The following LDB2 variants were observed in gnomAD, a reference collection of about 807,000 sequenced individuals.
The protein encoded by LDB2 is LIM domain binding 2.
LDB2 carries 12 observed loss-of-function variants against 44.3 expected under a neutral mutation model. That is an observed-to-expected ratio of 0.27 (90% confidence interval 0.17 to 0.44). The LOEUF (loss-of-function observed/expected upper bound fraction) is 0.44, where lower values mean the gene tolerates loss of function less well. Among genes scored for constraint, LDB2 ranks in the 20% least tolerant of loss-of-function variants. LDB2 has a pLI of 1.00. For synonymous variants in LDB2, 164 were observed against 174.8 expected (o/e 0.94, Z 0.49); for missense variants, 344 against 473.5 (o/e 0.73, Z 2.54).
intron 1 of LDB2, among the ~76,000 whole-genome samples, chr4:16,896,951 T>C (rs1377242711): frequency 2.0e-5 from 3 of 152,244 alleles, no homozygotes; most frequent in Non-Finnish European, 4.4e-5. Context: ...CTATAGAAGC[T>C]ACTGGCTTCT....
chr4:16,705,126 C>T (rs1431881972), intron 2 of LDB2, among the ~76,000 whole-genome samples: 1 of 149,808 alleles, frequency 6.7e-6, no homozygotes, highest in Non-Finnish European at 1.5e-5. Flanking sequence ...TCATAGTTTA[C>T]ATAAATATGT....
chr4:16,540,152 A>T (rs2152322294), intron 5 of LDB2, among the ~76,000 whole-genome samples: 1 of 152,214 alleles, frequency 6.6e-6, no homozygotes, highest in East Asian at 1.9e-4. Flanking sequence ...GCAAGGGGGA[A>T]ATATGCCTCC....
intron 2 of LDB2, among the ~76,000 whole-genome samples, chr4:16,690,526 GAGGGAGGGAGGGAGGT>G (rs1750478360): frequency 5.0e-5 from 2 of 39,828 alleles, no homozygotes; most frequent in African/African-American, 1.9e-4. Context: ...AGGGGGGAGG[GAGGGAGGGAGGGAGGT>G]TGGGGAAAGG....
At chr4:16,644,553 G>C (rs576244899) in intron 2 of LDB2, among the ~76,000 whole-genome samples, 1 of 151,364 alleles carries the variant, frequency 6.6e-6, no homozygotes, top group Non-Finnish European at 1.5e-5. Flanking sequence ...TCAGCCTCCC[G>C]AGTAGCTGGC....
intron 2 of LDB2, among the ~76,000 whole-genome samples, chr4:16,628,625 C>T (rs546504186): frequency 2.6e-5 from 4 of 151,832 alleles, no homozygotes; most frequent in South Asian, 2.1e-4. Flanking sequence ...TTGAGTCACC[C>T]GGGGTCACTT....
intron 2 of LDB2, among the ~76,000 whole-genome samples, chr4:16,693,190 C>T (rs1350650992): frequency 6.6e-6 from 1 of 151,920 alleles, no homozygotes; most frequent in African/African-American, 2.4e-5. Flanking sequence ...AATCAAAGGC[C>T]TTTATATTTA....
chr4:16,573,041 C>A (rs892528672), intron 5 of LDB2, among the ~76,000 whole-genome samples: 1 of 152,218 alleles, frequency 6.6e-6, no homozygotes, highest in African/African-American at 2.4e-5. Context: ...TTCCAGTTCT[C>A]AACCCCACGG....
intron 5 of LDB2, among the ~76,000 whole-genome samples, chr4:16,541,293 A>G (rs150700545): frequency 6.7e-6 from 1 of 148,804 alleles, no homozygotes; most frequent in Non-Finnish European, 1.5e-5. Flanking sequence ...TGGTTGTTGT[A>G]AAGTGTAAAG....
intron 5 of LDB2, among the ~76,000 whole-genome samples, chr4:16,532,512 A>C (rs1282848001): frequency 6.6e-6 from 1 of 152,216 alleles, no homozygotes; most frequent in Non-Finnish European, 1.5e-5. Context: ...AACTTCAGGC[A>C]TTTATTTCCT....
At chr4:16,642,157 TC>T (rs1735366441) in intron 2 of LDB2, among the ~76,000 whole-genome samples, 1 of 152,034 alleles carries the variant, frequency 6.6e-6, no homozygotes, top group Non-Finnish European at 1.5e-5. Flanking sequence ...CCAAATTGCC[TC>T]AGAAAGCCAA....
At chr4:16,729,558 GC>G (rs1382097841) in intron 2 of LDB2, among the ~76,000 whole-genome samples, 1 of 152,116 alleles carries the variant, frequency 6.6e-6, no homozygotes, top group Non-Finnish European at 1.5e-5. Context: ...TATATTTCAG[GC>G]CGCTTTTATC....
chr4:16,664,551 C>A (rs571841003), intron 2 of LDB2, among the ~76,000 whole-genome samples: 1 of 152,042 alleles, frequency 6.6e-6, no homozygotes, highest in African/African-American at 2.4e-5. Context: ...TGAAAGGGTT[C>A]TTGATTCTCC....
chr4:16,643,385 G>A (rs997085935), intron 2 of LDB2, among the ~76,000 whole-genome samples: 1 of 152,178 alleles, frequency 6.6e-6, no homozygotes, highest in African/African-American at 2.4e-5. Flanking sequence ...ATTGATAATA[G>A]TTCTTTTCTC....
At chr4:16,595,165 T>C (rs1720463867) in intron 3 of LDB2, among the ~76,000 whole-genome samples, 1 of 152,084 alleles carries the variant, frequency 6.6e-6, no homozygotes, top group South Asian at 2.1e-4. Flanking sequence ...ACACTTGCCC[T>C]CCCCTCATTC....
chr4:16,855,216 T>C (rs989319075), intron 1 of LDB2, among the ~76,000 whole-genome samples: 2 of 152,078 alleles, frequency 1.3e-5, no homozygotes, highest in African/African-American at 4.8e-5. Flanking sequence ...GCACTGAGAG[T>C]GCACAGCAAT....
chr4:16,548,854 A>G (rs972208771), intron 5 of LDB2, among the ~76,000 whole-genome samples: 2 of 152,362 alleles, frequency 1.3e-5, no homozygotes, highest in Admixed American at 1.3e-4. Flanking sequence ...GAAAACAGCA[A>G]AGTGTGCTAG....
At chr4:16,677,943 C>T (rs888212069) in intron 2 of LDB2, among the ~76,000 whole-genome samples, 1 of 152,200 alleles carries the variant, frequency 6.6e-6, no homozygotes, top group African/African-American at 2.4e-5. Context: ...GCAAAATTTA[C>T]ATTGAAGGGT....
At chr4:16,586,092 T>C in intron 4 of LDB2, 87 bp from the exon 5 acceptor site, 2 of 956,634 alleles carry the variant, frequency 2.1e-6, no homozygotes, top group East Asian at 4.9e-5. Flanking sequence ...TGCTAAGAAA[T>C]GCAATCTCGA....
chr4:16,704,530 C>A (rs1446066556), intron 2 of LDB2, among the ~76,000 whole-genome samples: 1 of 152,166 alleles, frequency 6.6e-6, no homozygotes, highest in Admixed American at 6.5e-5. Context: ...CCCATTCACA[C>A]CCACACCTGC....
Sources: allele counts gnomAD v4.1 joint callset (sites outside exome capture counted in the v4.1 genomes callset), GRCh38; gene constraint gnomAD v4.1.1; transcripts MANE v1.5; gene names NCBI Gene and HGNC (gene_info 2026-07-23, HGNC 2026-07-21).